The following SNURF variants were observed in gnomAD, a reference collection of about 807,000 sequenced individuals.
SNURF encodes SNRPN upstream open reading frame.
Under a neutral mutation model 11.6 loss-of-function variants are expected in SNURF, and 6 were observed. The observed-to-expected ratio is 0.52, with a 90% CI of 0.28 to 1.02. The LOEUF (loss-of-function observed/expected upper bound fraction) is 1.02. Ranked by LOEUF, SNURF falls within the 50% of genes least tolerant of loss-of-function variation. The probability of loss-of-function intolerance (pLI) is 0.09; values close to 1 mark genes in which losing one functional copy is unlikely to be tolerated. For synonymous variants in SNURF, 29 were observed against 31.6 expected (o/e 0.92, Z 0.27); for missense variants, 84 against 88.4 (o/e 0.95, Z 0.20).
intron 1 of SNURF, among the ~76,000 whole-genome samples, chr15:24,956,292 A>T (rs995679072): frequency 2.0e-5 from 3 of 146,744 alleles, no homozygotes; most frequent in Non-Finnish European, 4.5e-5. Context: ...CGTCACTGCC[A>T]TTGTGCAGCT....
downstream of SNURF, among the ~76,000 whole-genome samples, chr15:24,970,318 G>A (rs1035376382): frequency 1.6e-4 from 24 of 152,248 alleles, no homozygotes; most frequent in Non-Finnish European, 2.8e-4. Flanking sequence ...GGTGGCTCAC[G>A]CCTGTCATCC....
downstream of SNURF, among the ~76,000 whole-genome samples, chr15:24,972,827 T>C (rs2076598853): frequency 6.6e-6 from 1 of 152,094 alleles, no homozygotes; most frequent in Admixed American, 6.6e-5. Context: ...ACAGACTGCA[T>C]ATGTCAGAGC....
intron 1 of SNURF, 31 bp from the exon 2 acceptor site, chr15:24,962,083 A>T (rs779030659): frequency 1.9e-6 from 3 of 1,557,454 alleles, no homozygotes; most frequent in African/African-American, 2.7e-5. Flanking sequence ...GATGCAGTCT[A>T]CCAAACAAAT....
downstream of SNURF, among the ~76,000 whole-genome samples, chr15:24,971,925 G>A (rs1020309160): frequency 3.9e-5 from 6 of 152,044 alleles, no homozygotes; most frequent in African/African-American, 1.4e-4. Context: ...TGTCTCTTTG[G>A]ATGGCTGAAG....
At chr15:24,965,869 A>ATATT (rs747251718) in intron 2 of SNURF, among the ~76,000 whole-genome samples, 12 of 146,254 alleles carry the variant, frequency 8.2e-5, no homozygotes, top group Non-Finnish European at 1.8e-4. Flanking sequence ...AACATTATAT[A>ATATT]TATTTTTTTT....
At chr15:24,970,466 C>CAT (rs2076259118), downstream of SNURF, among the ~76,000 whole-genome samples, 1 of 152,078 alleles carries the variant, frequency 6.6e-6, no homozygotes, top group Non-Finnish European at 1.5e-5. Context: ...GTAATCCCAG[C>CAT]TACTCGGGAG....
intron 4 of SNURF, among the ~76,000 whole-genome samples, chr15:24,975,691 T>G (rs775343152): frequency 1.3e-5 from 2 of 152,226 alleles, no homozygotes; most frequent in Non-Finnish European, 2.9e-5. Context: ...CTGAACTCTT[T>G]TAAGTTTGTA....
At chr15:24,964,712 T>G (rs555967312) in intron 2 of SNURF, among the ~76,000 whole-genome samples, 3 of 152,208 alleles carry the variant, frequency 2.0e-5, no homozygotes, top group Admixed American at 6.5e-5. Flanking sequence ...TTTAGGACTC[T>G]TAGGTTTAGG....
At chr15:24,958,784 G>A (rs929306874) in intron 1 of SNURF, 6 of 154,264 alleles carry the variant, frequency 3.9e-5, no homozygotes, top group Non-Finnish European at 7.3e-5. Flanking sequence ...CAGTGATGCA[G>A]TTATAGCTCC....
At chr15:24,967,396 T>G (rs2075796127) in intron 2 of SNURF, among the ~76,000 whole-genome samples, 1 of 152,030 alleles carries the variant, frequency 6.6e-6, no homozygotes, top group South Asian at 2.1e-4. Context: ...TCCCAGCACT[T>G]TGGGAGGCCA....
At chr15:24,956,022 T>G (rs535196705) in intron 1 of SNURF, among the ~76,000 whole-genome samples, 15 of 152,098 alleles carry the variant, frequency 9.9e-5, no homozygotes, top group Admixed American at 4.6e-4. Context: ...GTGGTGGTGG[T>G]GCTTTTTTAT....
intron 2 of SNURF, 95 bp from the exon 3 acceptor site, chr15:24,967,834 ATCT>A: frequency 1.2e-6 from 1 of 857,288 alleles, no homozygotes; most frequent in South Asian, 1.5e-5. Flanking sequence ...AAAAAGGAAT[ATCT>A]TCTTAAATGT....
At chr15:24,959,746 T>G (rs1188659263) in intron 1 of SNURF, among the ~76,000 whole-genome samples, 1 of 152,210 alleles carries the variant, frequency 6.6e-6, no homozygotes, top group Non-Finnish European at 1.5e-5. Flanking sequence ...GACATTCGTT[T>G]GGATATATCA....
chr15:24,964,030 T>C (rs1173174127), intron 2 of SNURF, among the ~76,000 whole-genome samples: 2 of 151,624 alleles, frequency 1.3e-5, no homozygotes, highest in African/African-American at 2.4e-5. Flanking sequence ...AGATCTAGTC[T>C]CAAAAAGAAA....
At chr15:24,965,070 T>G (rs1714489611) in intron 2 of SNURF, among the ~76,000 whole-genome samples, 1 of 152,200 alleles carries the variant, frequency 6.6e-6, no homozygotes, top group Non-Finnish European at 1.5e-5. Context: ...GTAAGCAGGA[T>G]TGGTTAACAC....
downstream of SNURF, among the ~76,000 whole-genome samples, chr15:24,973,625 C>CTT (rs962820002): frequency 6.6e-6 from 1 of 152,188 alleles, no homozygotes; most frequent in African/African-American, 2.4e-5. Context: ...GTCTCGAACT[C>CTT]TTGACCTCAG....
chr15:24,971,697 G>C (rs1287744895), downstream of SNURF, among the ~76,000 whole-genome samples: 1 of 152,098 alleles, frequency 6.6e-6, no homozygotes, highest in Non-Finnish European at 1.5e-5. Context: ...GCCAAGGTCT[G>C]ATTTTTCACA....
chr15:24,973,104 G>GT (rs1275570983), downstream of SNURF, among the ~76,000 whole-genome samples: 1 of 152,108 alleles, frequency 6.6e-6, no homozygotes, highest in African/African-American at 2.4e-5. Context: ...GGCCAGGCTG[G>GT]TCTTGAATTC....
intron 5 of SNURF, chr15:24,976,793 G>C: frequency 8.1e-7 from 1 of 1,237,960 alleles, no homozygotes; most frequent in South Asian, 1.3e-5. Context: ...TGGGAAAATG[G>C]TGGAGAGAAG....
Sources: gnomAD v4.1 joint callset for allele counts (sites outside exome capture counted in the v4.1 genomes callset) on GRCh38, gnomAD v4.1.1 for gene constraint, MANE v1.5 for transcripts, NCBI Gene and HGNC (gene_info 2026-07-23, HGNC 2026-07-21) for gene names.